LDLRAP1: variants seen among roughly 807,000 people sequenced by gnomAD.
LDLRAP1 encodes low density lipoprotein receptor adaptor protein 1, also known as low density lipoprotein receptor adapter protein 1.
In LDLRAP1, 30 loss-of-function variants were observed where a neutral mutation model predicts 37.8. That is an observed-to-expected ratio of 0.79 (90% CI 0.59 to 1.08). LDLRAP1 has a LOEUF of 1.08. Among genes scored for constraint, LDLRAP1 ranks in the 50% least tolerant of loss-of-function variants. The pLI is 0.00. For missense variants in LDLRAP1, 375 were observed against 401.6 expected, an observed-to-expected ratio of 0.93 and a Z score of 0.57; for synonymous variants, 156 against 169.8, an observed-to-expected ratio of 0.92 and a Z score of 0.63.
At chr1:25,559,088 A>G (rs1323463391) in intron 4 of LDLRAP1, among the ~76,000 whole-genome samples, 1 of 152,140 alleles carries the variant, frequency 6.6e-6, no homozygotes, top group African/African-American at 2.4e-5. Context: ...GTCACTGGCC[A>G]CTTGCCTCGT....
intron 7 of LDLRAP1, chr1:25,564,117 C>T: frequency 5.2e-6 from 2 of 381,094 alleles, no homozygotes; most frequent in Non-Finnish European, 1.0e-5. Context: ...CTCCTACCAC[C>T]CCTCCCCCTC....
chr1:25,548,493 G>A (rs184399644), intron 1 of LDLRAP1, among the ~76,000 whole-genome samples: 40 of 151,600 alleles, frequency 2.6e-4, no homozygotes, highest in African/African-American at 8.7e-4. Context: ...GATTACAGGC[G>A]CCTGCCACCA....
chr1:25,553,814 C>A, intron 1 of LDLRAP1, 108 bp from the exon 2 acceptor site: 2 of 1,311,292 alleles, frequency 1.5e-6, no homozygotes, highest in East Asian at 2.5e-5. Flanking sequence ...GTGGGGGAGA[C>A]CCCCATCCCC....
At position 25,554,934 on chromosome 1, in the gene LDLRAP1, C is replaced by T. The variant is rs2124667463; in HGVS notation, c.306C>T (p.Asn102=). The change falls in exon 3 of 9, where the codon AAC becomes AAT. Residue 102 remains asparagine (N), a synonymous_variant. Coordinates refer to ENST00000374338, the MANE Select transcript of LDLRAP1 (RefSeq NM_015627.3). This position sits in a 1 kb window ranked among gnomAD's most constrained non-coding sequence, Gnocchi z 5.4. ...VSPRGIILTD[N]LTNQLIENVS... ...CACGGGGAATTATCCTGACAGACAA[C>T]CTCACCAACCAGCTCATTGAGAACG... The T allele has an allele frequency of 6.2e-7, 1 of 1,614,224 alleles. No homozygotes were observed. The highest frequency in any genetic ancestry group is 8.5e-7 in the Non-Finnish European group (1 of 1,180,034).
the LDLRAP1 span, among the ~76,000 whole-genome samples, chr1:25,577,670 A>G: frequency 6.6e-6 from 1 of 152,190 alleles, no homozygotes; most frequent in Non-Finnish European, 1.5e-5. Flanking sequence ...GGAGCATTTG[A>G]GGCACCTGGC....
the LDLRAP1 span, among the ~76,000 whole-genome samples, chr1:25,582,435 C>T: frequency 2.7e-5 from 4 of 150,518 alleles, no homozygotes; most frequent in Non-Finnish European, 4.5e-5. Context: ...AAATACAAAA[C>T]TTAGCTGGGC....
downstream of LDLRAP1, among the ~76,000 whole-genome samples, chr1:25,569,364 C>T (rs2044569985): frequency 6.6e-6 from 1 of 152,124 alleles, no homozygotes; most frequent in Non-Finnish European, 1.5e-5. Context: ...CCAGGCGTGG[C>T]CCAGATGAAC....
At chr1:25,577,688 A>G in the LDLRAP1 span, among the ~76,000 whole-genome samples, 1 of 152,216 alleles carries the variant, frequency 6.6e-6, no homozygotes, top group Non-Finnish European at 1.5e-5. Flanking sequence ...GGCGGGGACA[A>G]GACAGGGTGC....
At position 25,554,332 on chromosome 1, in the gene LDLRAP1, AT is replaced by A. The variant is rs2044150585; in HGVS notation, c.231+269del. 6.6e-6 allele frequency among the ~76,000 whole-genome samples: 1 copy of A among 152,034 alleles called. No individual in the cohort carries two copies. Among genetic ancestry groups the A allele is most frequent in the South Asian group, 2.1e-4 (1 of 4,824 alleles). On this transcript the variant is annotated intron_variant, in intron 2 of 8. Coordinates refer to ENST00000374338, the MANE Select transcript of LDLRAP1 (RefSeq NM_015627.3). The surrounding 1 kb of genome is among the most constrained non-coding windows in gnomAD (Gnocchi z 5.4). ...CTCCCTACCAATGCATTGGTGACTT[AT>A]CAGCACCAGGAAGGGTGGGGAGTTT...
At chr1:25,545,410 C>T (rs545557505) in intron 1 of LDLRAP1, among the ~76,000 whole-genome samples, 46 of 152,302 alleles carry the variant, frequency 3.0e-4, no homozygotes, top group Admixed American at 2.4e-3. Context: ...TTCTGATCCT[C>T]GGTTTCCTCA....
the LDLRAP1 span, among the ~76,000 whole-genome samples, chr1:25,574,762 A>G: frequency 6.6e-6 from 1 of 152,132 alleles, no homozygotes; most frequent in East Asian, 1.9e-4. Flanking sequence ...GTGGGCCTGT[A>G]TGTGCCAGGA....
At position 25,557,255 on chromosome 1, in the gene LDLRAP1, C is replaced by T. The variant is rs2044225667; in HGVS notation, c.447C>T (p.Thr149=). The T allele has an allele frequency of 1.2e-6, 2 of 1,609,722 alleles. No individual in the cohort carries two copies. The highest frequency in any genetic ancestry group is 1.3e-5 in the African/African-American group (1 of 74,836). Residue 149 remains threonine (T), a synonymous_variant, in exon 4 of 9, where the codon ACC becomes ACT. Transcript: ENST00000374338. The part of the protein sequence containing the change: ...QSLECHAFLC[T]KRKMAQAVTL... Reference sequence around the variant, plus strand: ...TCGAGTGCCACGCCTTCCTCTGCACCAAGCGGAAGATGGTCAGCGGGGAGG... The same window carrying T: ...TCGAGTGCCACGCCTTCCTCTGCACTAAGCGGAAGATGGTCAGCGGGGAGG...
chr1:25,575,111 T>C, the LDLRAP1 span, among the ~76,000 whole-genome samples: 1 of 152,202 alleles, frequency 6.6e-6, no homozygotes, highest in South Asian at 2.1e-4. Flanking sequence ...AGAGACCCTT[T>C]CTTCGGGCCG....
Position 25,554,801 on chromosome 1 carries a change from C to A in LDLRAP1, c.232-59C>A. 1 of 1,345,710 alleles carries A rather than the reference C, an allele frequency of 7.4e-7. No individual in the cohort carries two copies. Among genetic ancestry groups the A allele is most frequent in the Non-Finnish European group, 1.1e-6 (1 of 945,566 alleles). 83.4% of individuals were successfully genotyped at this position (1,345,710 alleles called of 1,614,324 possible). The stretch of plus-strand genomic sequence containing the variant: ...GGCTTAGGAACAGTGAAGTGTAAGC[C>A]ATGAGGGTGGGTCTCAAGTGAGGCT... On this transcript the variant is annotated intron_variant, in intron 2 of 8. Transcript: ENST00000374338. The surrounding 1 kb of genome is among the most constrained non-coding windows in gnomAD (Gnocchi z 5.4).
the LDLRAP1 span, among the ~76,000 whole-genome samples, chr1:25,576,115 C>T: frequency 2.6e-5 from 4 of 151,884 alleles, no homozygotes; most frequent in Non-Finnish European, 4.4e-5. Context: ...GCCTGTAATC[C>T]CAGCTACTCG....
In LDLRAP1 at chr1:25,557,289, G is replaced by T. The variant is rs74060930; in HGVS notation, c.459+22G>T. 33,411 of 1,575,182 alleles carry T rather than the reference G, an allele frequency of 0.021. 1,186 individuals carry two copies. The highest frequency in any genetic ancestry group is 0.15 in the African/African-American group (11,399 of 74,110). On this transcript the variant is annotated intron_variant, in intron 4 of 8. Coordinates refer to ENST00000374338, the MANE Select transcript of LDLRAP1 (RefSeq NM_015627.3). Reference sequence around the variant, plus strand: ...GATGGTCAGCGGGGAGGGCTGGGGCGGGGACAGGGTCCAGTGGCCTTGGCA... The same window carrying T: ...GATGGTCAGCGGGGAGGGCTGGGGCTGGGACAGGGTCCAGTGGCCTTGGCA...
chr1:25,544,252 C>T lies in LDLRAP1; in HGVS notation c.88+466C>T, dbSNP rs1477767243. Reference sequence around the variant, plus strand: ...GCTGCGGCGGTCAGGAGCCCACTGGCCCGTTCTCCCGCCCCCTGCCCGACC... The same window carrying T: ...GCTGCGGCGGTCAGGAGCCCACTGGTCCGTTCTCCCGCCCCCTGCCCGACC... On this transcript the variant is annotated intron_variant, in intron 1 of 8. Coordinates refer to ENST00000374338, the MANE Select transcript of LDLRAP1 (RefSeq NM_015627.3). The surrounding 1 kb of genome is among the most constrained non-coding windows in gnomAD (Gnocchi z 4.8). 6.6e-6 allele frequency among the ~76,000 whole-genome samples: 1 copy of T among 152,168 alleles called. No homozygotes were observed. The highest frequency in any genetic ancestry group is 2.4e-5 in the African/African-American group (1 of 41,456).
At chr1:25,547,489 T>TA (rs2043963508) in intron 1 of LDLRAP1, among the ~76,000 whole-genome samples, 1 of 132,420 alleles carries the variant, frequency 7.6e-6, no homozygotes, top group African/African-American at 3.1e-5. Context: ...TCTCAAATAA[T>TA]AAATAAATAA....
the LDLRAP1 span, among the ~76,000 whole-genome samples, chr1:25,585,456 G>A: frequency 1.3e-5 from 2 of 152,028 alleles, no homozygotes; most frequent in African/African-American, 4.8e-5. Flanking sequence ...CTCCTGAGTA[G>A]CTGGGACTAC....
Sources: allele counts gnomAD v4.1 joint callset (sites outside exome capture counted in the v4.1 genomes callset), GRCh38; gene constraint gnomAD v4.1.1; non-coding constraint Gnocchi (gnomAD v3.1); transcripts MANE v1.5; gene names NCBI Gene and HGNC (gene_info 2026-07-23, HGNC 2026-07-21).